Variants in ACYP2 observed in about 807,000 individuals in gnomAD.
The protein encoded by ACYP2 is acylphosphatase 2, also known as acylphosphatase-2.
In ACYP2, 12 loss-of-function variants were observed where a neutral mutation model predicts 11.2. That is an observed-to-expected ratio of 1.08 (90% confidence interval 0.69 to 1.74). The LOEUF (loss-of-function observed/expected upper bound fraction) is 1.74. ACYP2 is among the 40% of genes most tolerant of loss of function. The probability of loss-of-function intolerance (pLI) is 0.00; values close to 1 mark genes in which losing one functional copy is unlikely to be tolerated. For missense variants in ACYP2, 134 were observed against 101.9 expected, an observed-to-expected ratio of 1.31 and a Z score of -1.35; for synonymous variants, 43 against 32.2, an observed-to-expected ratio of 1.33 and a Z score of -1.13.
At chr2:54,260,041 T>C (rs1177440973) in intron 6 of ACYP2, among the ~76,000 whole-genome samples, 1 of 151,958 alleles carries the variant, frequency 6.6e-6, no homozygotes, top group Non-Finnish European at 1.5e-5. Flanking sequence ...GAAGGAAGCA[T>C]TATTGGAGGG....
intron 6 of ACYP2, among the ~76,000 whole-genome samples, chr2:54,246,715 A>C (rs1041391102): frequency 6.6e-6 from 1 of 152,136 alleles, no homozygotes; most frequent in Non-Finnish European, 1.5e-5. Flanking sequence ...TGTATTGTCT[A>C]ATATCTAATA....
intron 4 of ACYP2, among the ~76,000 whole-genome samples, chr2:54,094,886 A>T (rs562291662): frequency 4.6e-5 from 7 of 151,362 alleles, no homozygotes; most frequent in African/African-American, 1.2e-4. Flanking sequence ...GTTTTTTTTT[A>T]AACTTCCTTT....
intron 4 of ACYP2, among the ~76,000 whole-genome samples, chr2:54,083,951 ATATTT>A (rs1677806255): frequency 6.6e-6 from 1 of 152,252 alleles, no homozygotes; most frequent in East Asian, 1.9e-4. Context: ...ACAAAAGTGA[ATATTT>A]AAACAGAACA....
At chr2:54,287,869 T>C (rs1689143763) in intron 6 of ACYP2, among the ~76,000 whole-genome samples, 1 of 152,020 alleles carries the variant, frequency 6.6e-6, no homozygotes, top group South Asian at 2.1e-4. Context: ...TAAACAGTGT[T>C]TGTTATTTCT....
At chr2:54,013,325 A>G (rs1350139940) in intron 2 of ACYP2, among the ~76,000 whole-genome samples, 1 of 145,604 alleles carries the variant, frequency 6.9e-6, no homozygotes, top group Non-Finnish European at 1.5e-5. Context: ...GTTTTGAGAC[A>G]GAGTCTTGCT....
chr2:54,058,276 A>G (rs1246656450), intron 4 of ACYP2, among the ~76,000 whole-genome samples: 1 of 149,906 alleles, frequency 6.7e-6, no homozygotes, highest in Non-Finnish European at 1.5e-5. Context: ...ACAAAGCTAT[A>G]TACAATATTA....
At chr2:53,995,297 A>C (rs1232164589) in intron 2 of ACYP2, among the ~76,000 whole-genome samples, 1 of 152,142 alleles carries the variant, frequency 6.6e-6, no homozygotes, top group Admixed American at 6.6e-5. Flanking sequence ...CTTTAATCTC[A>C]AGTTACATCA....
chr2:54,126,529 A>G (rs1028174550), intron 4 of ACYP2, among the ~76,000 whole-genome samples: 3 of 151,774 alleles, frequency 2.0e-5, no homozygotes, highest in Admixed American at 6.6e-5. Flanking sequence ...AGGAAGTTTC[A>G]ACATTTTTTA....
At chr2:54,060,363 T>C (rs1194965771) in intron 4 of ACYP2, among the ~76,000 whole-genome samples, 1 of 152,142 alleles carries the variant, frequency 6.6e-6, no homozygotes, top group Non-Finnish European at 1.5e-5. Flanking sequence ...ATTTTTAATT[T>C]CTATAAACTT....
chr2:54,132,744 A>ATT (rs35059715), intron 4 of ACYP2, among the ~76,000 whole-genome samples: 21 of 136,338 alleles, frequency 1.5e-4, no homozygotes, highest in Admixed American at 3.0e-4. Context: ...CAATTGAATG[A>ATT]TTTTTTTTTT....
intron 2 of ACYP2, among the ~76,000 whole-genome samples, chr2:53,977,015 A>G (rs1318771357): frequency 1.3e-5 from 2 of 151,990 alleles, no homozygotes; most frequent in East Asian, 1.9e-4. Flanking sequence ...CCTATTAGAC[A>G]TTTGTTTTAC....
intron 2 of ACYP2, among the ~76,000 whole-genome samples, chr2:54,035,009 CAAAAAAAAAAAAA>C (rs550142135): frequency 2.2e-5 from 1 of 44,748 alleles, no homozygotes; most frequent in Non-Finnish European, 5.3e-5. Flanking sequence ...GACTACATCT[CAAAAAAAAAAAAA>C]AAAAAAAAAA....
chr2:54,141,805 G>T (rs1681618078), intron 6 of ACYP2: 1 of 478,836 alleles, frequency 2.1e-6, no homozygotes. Flanking sequence ...TTACATGATT[G>T]TGTCACACAT....
intron 2 of ACYP2, among the ~76,000 whole-genome samples, chr2:53,983,094 C>G (rs1383154038): frequency 6.6e-6 from 1 of 152,044 alleles, no homozygotes; most frequent in Non-Finnish European, 1.5e-5. Flanking sequence ...AAATGTTGTT[C>G]TGGTTATGTA....
intron 4 of ACYP2, among the ~76,000 whole-genome samples, chr2:54,122,834 G>A (rs1266539863): frequency 1.3e-5 from 2 of 152,182 alleles, no homozygotes; most frequent in Non-Finnish European, 2.9e-5. Context: ...TAAAATAAGA[G>A]TTGTAGTTTG....
Position 53,975,037 on chromosome 2 carries a change from C to T in ACYP2, c.62+1227C>T, listed in dbSNP as rs1344689734. On this transcript the variant is annotated intron_variant, in intron 2 of 6. Coordinates refer to ENST00000607452, the MANE Select transcript of ACYP2 (RefSeq NM_001320586.2). ...AAGATTTCGAAGAGACCAGCCTGGC[C>T]AATATGGTGACACCCCGTCTCTACT... 3.9e-5 allele frequency among the ~76,000 whole-genome samples: 6 copies of T among 152,136 alleles called. No individual in the cohort carries two copies. In the East Asian group the frequency reaches 1.2e-3, roughly 29 times the overall value.
chr2:54,125,792 G>A (rs1178064567), intron 4 of ACYP2, among the ~76,000 whole-genome samples: 1 of 149,858 alleles, frequency 6.7e-6, no homozygotes, highest in Non-Finnish European at 1.5e-5. Context: ...TATTAAAAAG[G>A]GGATTCAGGC....
chr2:53,995,488 T>TTTATTTA (rs1672530499), intron 2 of ACYP2, among the ~76,000 whole-genome samples: 17 of 145,116 alleles, frequency 1.2e-4, no homozygotes, highest in Middle Eastern at 3.5e-3. Flanking sequence ...TTTATTTATT[T>TTTATTTA]TTTATTTATT....
At chr2:54,231,082 C>T (rs79631106) in intron 6 of ACYP2, among the ~76,000 whole-genome samples, 4 of 152,210 alleles carry the variant, frequency 2.6e-5, no homozygotes, top group South Asian at 4.2e-4. Flanking sequence ...CTGCCTGCCT[C>T]GGCCTCCCAA....
Sources: gnomAD v4.1 joint callset for allele counts (sites outside exome capture counted in the v4.1 genomes callset) on GRCh38, gnomAD v4.1.1 for gene constraint, MANE v1.5 for transcripts, NCBI Gene and HGNC (gene_info 2026-07-23, HGNC 2026-07-21) for gene names.